Variants in NEIL1 observed in about 807,000 individuals in gnomAD.
NEIL1 encodes the protein nei like DNA glycosylase 1, also known as endonuclease 8-like 1.
Under a neutral mutation model 44.2 loss-of-function variants are expected in NEIL1, and 31 were observed. The observed-to-expected ratio is 0.70, with a 90% CI of 0.53 to 0.95. The LOEUF (loss-of-function observed/expected upper bound fraction) is 0.95, where lower values mean the gene tolerates loss of function less well. Among genes scored for constraint, NEIL1 ranks in the 40% least tolerant of loss-of-function variants. The pLI is 0.00. For missense variants in NEIL1, 549 were observed against 515.5 expected, an observed-to-expected ratio of 1.07 and a Z score of -0.63; for synonymous variants, 254 against 209.7, an observed-to-expected ratio of 1.21 and a Z score of -1.83.
rs767839166 is a variant in NEIL1, at chr15:75,347,985, C to G, written c.-23+512C>G. On this transcript the variant is annotated intron_variant, in intron 1 of 9. Transcript: ENST00000355059. ...CACACCTTCGCCTCCGATTCCGAAC[C>G]GCCCGGGGACAGAGGCAAGTGGCAA... 2.4e-5 allele frequency: 30 copies of G among 1,226,852 alleles called. No individual in the cohort carries two copies. The South Asian group carries it at 3.7e-4, about 15-fold the overall frequency. 76.0% of individuals were successfully genotyped at this position (1,226,852 alleles called of 1,614,324 possible). A position where few individuals can be genotyped will look rare whatever the true frequency, so the allele number is the denominator to read the frequency against.
chr15:75,355,115 A>G lies in NEIL1; in HGVS notation c.*81A>G. 7.8e-7 allele frequency: 1 copy of G among 1,281,774 alleles called. No homozygotes were observed. Among genetic ancestry groups the G allele is most frequent in the Non-Finnish European group, 1.1e-6 (1 of 904,522 alleles). 79.4% of individuals were successfully genotyped at this position (1,281,774 alleles called of 1,614,324 possible). On this transcript the variant is annotated 3_prime_UTR_variant, in exon 10 of 10. Coordinates refer to ENST00000355059, the MANE Select transcript of NEIL1 (RefSeq NM_024608.4). ...GGGGTCTGAATTTTTGGGAGCAGGC[A>G]ATATCTGAAGGTGCAAACAGGCCCT...
At chr15:75,353,891 CAG>C in intron 6 of NEIL1, 25 bp downstream of exon 6, 1 of 1,611,354 alleles carries the variant, frequency 6.2e-7, no homozygotes, top group Non-Finnish European at 8.5e-7. Flanking sequence ...TTCACACAGG[CAG>C]AGACCCCAGG....
chr15:75,354,818 G>A lies in NEIL1; in HGVS notation c.1102G>A (p.Gly368Ser), dbSNP rs2072222777. Reference protein sequence around the residue: ...GRRKGRQAASGHCRPRKVKAD... With the variant: ...GRRKGRQAASSHCRPRKVKAD... ...GAGGAAGGGGCGACAGGCAGCCTCT[G>A]GTGGGCTTTCCTCATCACTCCCAGA... Residue 368 changes from glycine to serine, a missense_variant and splice_region_variant, in exon 9 of 10, where the codon GGC becomes AGC. Coordinates refer to ENST00000355059, the MANE Select transcript of NEIL1 (RefSeq NM_024608.4). 1.9e-6 allele frequency: 3 copies of A among 1,613,980 alleles called. No individual in the cohort carries two copies. The highest frequency in any genetic ancestry group is 2.2e-5 in the South Asian group (2 of 91,084).
At position 75,355,731 on chromosome 15, in the gene NEIL1, CCAGACTT is replaced by C; in HGVS notation, c.*699_*705del. 4.9e-6 allele frequency: 3 copies of C among 606,376 alleles called. No individual in the cohort carries two copies. Among genetic ancestry groups the C allele is most frequent in the Non-Finnish European group, 8.2e-6 (3 of 367,464 alleles). 37.6% of individuals were successfully genotyped at this position (606,376 alleles called of 1,614,324 possible). On this transcript the variant is annotated 3_prime_UTR_variant, in exon 10 of 10. Coordinates refer to ENST00000355059, the MANE Select transcript of NEIL1 (RefSeq NM_024608.4). ...CAAATACCTGGGAAGCCATCCCACCCCAGACTTCCCACCCCCACCCCAAGCGTGAGGA... is the reference window on the plus strand; with the variant it reads ...CAAATACCTGGGAAGCCATCCCACCCCCCACCCCCACCCCAAGCGTGAGGA...
chr15:75,356,516 GCAGGAAGCCAGGTTGCTGGGGTTTGGGCT>G lies in NEIL1; in HGVS notation c.*1487_*1515del. 6.4e-7 allele frequency: 1 copy of G among 1,557,310 alleles called. No individual in the cohort carries two copies. Among genetic ancestry groups the G allele is most frequent in the Non-Finnish European group, 8.7e-7 (1 of 1,149,716 alleles). On this transcript the variant is annotated 3_prime_UTR_variant, in exon 10 of 10. Coordinates refer to ENST00000355059, the MANE Select transcript of NEIL1 (RefSeq NM_024608.4). The surrounding 1 kb of genome is among the most constrained non-coding windows in gnomAD (Gnocchi z 5.8). ...CTACCCTCCCCTGTCCCTAGAAGGGGCAGGAAGCCAGGTTGCTGGGGTTTGGGCTCAGGGAAGGGCAGAGAGGTGTCTAG... is the reference window on the plus strand; with the variant it reads ...CTACCCTCCCCTGTCCCTAGAAGGGGCAGGGAAGGGCAGAGAGGTGTCTAG...
intron 2 of NEIL1, 94 bp downstream of exon 2, chr15:75,349,433 C>T: frequency 8.3e-7 from 1 of 1,209,676 alleles, no homozygotes; most frequent in Non-Finnish European, 1.1e-6. Context: ...AGTCCCTGCC[C>T]CTTCTGGGCC....
chr15:75,353,752 C>T lies in NEIL1; in HGVS notation c.732C>T (p.Tyr244=), dbSNP rs145593550. Reference sequence around the variant, plus strand: ...TCTGTCCCACAGGGGGCAAAGGCTACGGGTCAGAGAGCGGGGAGGAGGACT... The same window carrying T: ...TCTGTCCCACAGGGGGCAAAGGCTATGGGTCAGAGAGCGGGGAGGAGGACT... ...KEVVQLGGKG[Y]GSESGEEDFA... Residue 244 remains tyrosine (Y), a synonymous_variant, in exon 6 of 10, where the codon TAC becomes TAT. Transcript: ENST00000355059. The T allele has an allele frequency of 2.6e-5, 42 of 1,614,042 alleles. No individual in the cohort carries two copies. The highest frequency in any genetic ancestry group is 3.1e-5 in the Non-Finnish European group (36 of 1,179,920).
At chr15:75,354,066 G>A (rs895753886) in intron 6 of NEIL1, 184 bp from the exon 7 acceptor site, 1 of 1,027,968 alleles carries the variant, frequency 9.7e-7, no homozygotes, top group African/African-American at 1.6e-5. Flanking sequence ...GGTAGCCCAA[G>A]TGAAAGTAGC....
Position 75,349,125 on chromosome 15 carries a change from G to T in NEIL1, c.220G>T (p.Ala74Ser). ...PGAQPQQEPL[A>S]LVFRFGMSGS... ...GGCCCAGCCCCAACAGGAGCCACTG[G>T]CCCTGGTCTTCCGCTTCGGCATGTC... Residue 74 changes from alanine to serine, a missense_variant, in exon 2 of 10, where the codon GCC becomes TCC. Transcript: ENST00000355059. 3 of 1,611,364 alleles carry T rather than the reference G, an allele frequency of 1.9e-6. No individual in the cohort carries two copies. The highest frequency in any genetic ancestry group is 1.1e-5 in the South Asian group (1 of 91,078).
In NEIL1 at chr15:75,353,868, T is replaced by C. The variant is rs1567254382; in HGVS notation, c.846+2T>C. On this transcript the variant is annotated splice_donor_variant, in intron 6 of 9. Coordinates refer to ENST00000355059, the MANE Select transcript of NEIL1 (RefSeq NM_024608.4). LOFTEE classifies it high-confidence loss of function. ...CATGGCCGTACCATCTGGTTCCAGGTTGGGCCCTACTGTTCACACAGGCAG... is the reference window on the plus strand; with the variant it reads ...CATGGCCGTACCATCTGGTTCCAGGCTGGGCCCTACTGTTCACACAGGCAG... 6.2e-7 allele frequency: 1 copy of C among 1,612,334 alleles called. No homozygotes were observed. The highest frequency in any genetic ancestry group is 2.2e-5 in the East Asian group (1 of 44,882).
At chr15:75,352,873 C>T (rs1331504099) in intron 5 of NEIL1, 172 bp downstream of exon 5, 3 of 613,088 alleles carry the variant, frequency 4.9e-6, no homozygotes, top group African/African-American at 3.7e-5. Flanking sequence ...GGCGCAGTGG[C>T]TCATGCCTGT....
At chr15:75,352,522 C>G in intron 4 of NEIL1, 80 bp from the exon 5 acceptor site, 1 of 1,552,790 alleles carries the variant, frequency 6.4e-7, no homozygotes, top group Non-Finnish European at 8.8e-7. Context: ...TGCCCAAAGT[C>G]TGACCAAGCT....
chr15:75,352,159 C>A lies in NEIL1; in HGVS notation c.483C>A (p.Ile161=), dbSNP rs775250462. ...CGGATAAGGCCTTTGACCGGCCCATCTGCGAGGCCCTCCTGGACCAGAGGT... is the reference window on the plus strand; with the variant it reads ...CGGATAAGGCCTTTGACCGGCCCATATGCGAGGCCCTCCTGGACCAGAGGT... ...NLADKAFDRP[I]CEALLDQRFF... is the part of the protein sequence containing the mutation. The change falls in exon 3 of 10, where the codon ATC becomes ATA. Residue 161 remains isoleucine (I), a synonymous_variant. Transcript: ENST00000355059. The A allele has an allele frequency of 1.9e-6, 3 of 1,614,080 alleles. No individual in the cohort carries two copies. The African/African-American group carries it at 4.0e-5, about 22-fold the overall frequency.
In NEIL1 at chr15:75,355,120, C is replaced by G; in HGVS notation, c.*86C>G. 2 of 1,198,740 alleles carry G rather than the reference C, an allele frequency of 1.7e-6. No individual in the cohort carries two copies. Among genetic ancestry groups the G allele is most frequent in the Non-Finnish European group, 2.4e-6 (2 of 831,980 alleles). 74.3% of individuals were successfully genotyped at this position (1,198,740 alleles called of 1,614,324 possible). A position where few individuals can be genotyped will look rare whatever the true frequency, so the allele number is the denominator to read the frequency against. ...CTGAATTTTTGGGAGCAGGCAATAT[C>G]TGAAGGTGCAAACAGGCCCTACGGC... On this transcript the variant is annotated 3_prime_UTR_variant, in exon 10 of 10. Coordinates refer to ENST00000355059, the MANE Select transcript of NEIL1 (RefSeq NM_024608.4).
Position 75,348,122 on chromosome 15 carries a change from G to A in NEIL1, c.-23+649G>A. On this transcript the variant is annotated intron_variant, in intron 1 of 9. Transcript: ENST00000355059. ...GGCAGGAGCTCGGGGAGCCCTTCCTGGTGCCCGCCGTCCTCCTGCGGAGCC... is the reference window on the plus strand; with the variant it reads ...GGCAGGAGCTCGGGGAGCCCTTCCTAGTGCCCGCCGTCCTCCTGCGGAGCC... 5.0e-6 allele frequency: 4 copies of A among 802,410 alleles called. No homozygotes were observed. In the South Asian group the frequency reaches 1.0e-4, roughly 21 times the overall value. The allele number at this position is 802,410 out of a possible 1,614,324, so 49.7% of individuals were successfully genotyped here.
At chr15:75,354,840 C>T in intron 9 of NEIL1, 22 bp downstream of exon 9, 1 of 1,613,818 alleles carries the variant, frequency 6.2e-7, no homozygotes, top group Non-Finnish European at 8.5e-7. Flanking sequence ...TCATCACTCC[C>T]AGAAACTGGC....
chr15:75,356,613 C>G lies in NEIL1; in HGVS notation c.*1579C>G. On this transcript the variant is annotated 3_prime_UTR_variant, in exon 10 of 10. Transcript: ENST00000355059. The surrounding 1 kb of genome is among the most constrained non-coding windows in gnomAD (Gnocchi z 5.8). ...ACCGTCCCCAGCACTCACCCTTGTG[C>G]GGCATCAGTGCATAGGTGAACTCGT... is the stretch of plus-strand genomic sequence containing the variant. 4 of 1,560,832 alleles carry G rather than the reference C, an allele frequency of 2.6e-6. No individual in the cohort carries two copies. The highest frequency in any genetic ancestry group is 3.5e-6 in the Non-Finnish European group (4 of 1,152,926).
In NEIL1 at chr15:75,352,358, G is replaced by A. The variant is rs373195729; in HGVS notation, c.589G>A (p.Val197Ile). The A allele has an allele frequency of 1.9e-6, 3 of 1,614,062 alleles. No homozygotes were observed. Among genetic ancestry groups the A allele is most frequent in the Non-Finnish European group, 2.5e-6 (3 of 1,180,042 alleles). Residue 197 changes from valine (V) to isoleucine (I), a missense_variant, in exon 4 of 10, where the codon GTC (valine) becomes ATC (isoleucine). By Grantham distance (29) the Val-to-Ile change is conservative. Transcript: ENST00000355059. ...CCCCCCCTTTGAGAAGGCCCGCTCG[G>A]TCCTGGAGGCCCTGCAGCAGCACAG... ...KIPPFEKARS[V>I]LEALQQHRPS...
intron 1 of NEIL1, chr15:75,348,634 A>C: frequency 7.3e-7 from 1 of 1,370,666 alleles, no homozygotes; most frequent in South Asian, 1.7e-5. Context: ...GTGGAAGCCC[A>C]TGGAAGGAAG....
Sources: gnomAD v4.1 joint callset for allele counts on GRCh38, gnomAD v4.1.1 for gene constraint, Gnocchi (gnomAD v3.1) non-coding constraint, MANE v1.5 for transcripts, NCBI Gene and HGNC (gene_info 2026-07-23, HGNC 2026-07-21) for gene names.